COL8A1: variants seen among roughly 807,000 people sequenced by gnomAD.
The protein encoded by COL8A1 is collagen alpha-1(VIII) chain.
COL8A1 carries 21 observed loss-of-function variants against 42.7 expected under a neutral mutation model. That is an observed-to-expected ratio of 0.49 (90% CI 0.35 to 0.71). COL8A1 has a LOEUF of 0.71. Ranked by LOEUF, COL8A1 falls within the 30% of genes least tolerant of loss-of-function variation. The pLI, the probability that COL8A1 is intolerant of heterozygous loss-of-function variation, is 0.01. For missense variants in COL8A1, 788 were observed against 962.4 expected, an observed-to-expected ratio of 0.82 and a Z score of 2.40; for synonymous variants, 367 against 369.1, an observed-to-expected ratio of 0.99 and a Z score of 0.06.
chr3:99,711,253 A>G (rs535765020), intron 1 of COL8A1, among the ~76,000 whole-genome samples: 4 of 152,272 alleles, frequency 2.6e-5, no homozygotes, highest in African/African-American at 9.6e-5. Context: ...AAGAAACAAC[A>G]AACAAGAGAA....
intron 2 of COL8A1, among the ~76,000 whole-genome samples, chr3:99,757,451 C>T (rs792835): frequency 0.51 from 77,778 of 151,874 alleles, 20,156 homozygotes; most frequent in East Asian, 0.67. Context: ...ATACTCTTTG[C>T]TGGGGAGCAC....
At chr3:99,762,679 C>T (rs149646075) in intron 2 of COL8A1, among the ~76,000 whole-genome samples, 7 of 152,300 alleles carry the variant, frequency 4.6e-5, no homozygotes, top group African/African-American at 1.7e-4. Flanking sequence ...GCTTGCACCC[C>T]AGTGATACAG....
chr3:99,675,199 G>T (rs1326234245), intron 1 of COL8A1, among the ~76,000 whole-genome samples: 9 of 151,914 alleles, frequency 5.9e-5, no homozygotes. Flanking sequence ...GTCTTGGTGG[G>T]TATGACACAG....
chr3:99,677,423 TG>T (rs1938733246), intron 1 of COL8A1, among the ~76,000 whole-genome samples: 2 of 152,148 alleles, frequency 1.3e-5, no homozygotes, highest in African/African-American at 4.8e-5. Context: ...ATAACAGGAA[TG>T]GCCTTCAGGA....
chr3:99,716,625 T>C (rs982708376), intron 1 of COL8A1, among the ~76,000 whole-genome samples: 1 of 152,002 alleles, frequency 6.6e-6, no homozygotes, highest in African/African-American at 2.4e-5. Flanking sequence ...TCCTTCCTGT[T>C]ACATCGGATG....
At chr3:99,641,008 C>G (rs1937497081) in intron 1 of COL8A1, among the ~76,000 whole-genome samples, 1 of 152,138 alleles carries the variant, frequency 6.6e-6, no homozygotes. Context: ...GGGAGCTCTA[C>G]TGATTTTGAG....
Position 99,798,658 on chromosome 3 carries a change from G to A in COL8A1, c.*2522G>A, listed in dbSNP as rs755505674. 1.4e-4 allele frequency: 22 copies of A among 152,254 alleles called. 1 individual carries two copies. Among genetic ancestry groups the A allele is most frequent in the Non-Finnish European group, 2.8e-4 (19 of 68,030 alleles). The allele number at this position is 152,254 out of a possible 1,614,324, so 9.4% of individuals were successfully genotyped here. A position where few individuals can be genotyped will look rare whatever the true frequency, so the allele number is the denominator to read the frequency against. ...TGTGTGCGCGTGAGCGCACGTGTGT[G>A]TATGCGTGCGCATGTGTGTGTATGT... is the stretch of plus-strand genomic sequence containing the variant. On this transcript the variant is annotated 3_prime_UTR_variant, in exon 4 of 4. Coordinates refer to ENST00000652472, the MANE Select transcript of COL8A1 (RefSeq NM_020351.4).
chr3:99,686,861 T>TGG (rs200783625), intron 1 of COL8A1, among the ~76,000 whole-genome samples: 4 of 151,510 alleles, frequency 2.6e-5, no homozygotes, highest in African/African-American at 9.7e-5. Flanking sequence ...TGTTTGTTTT[T>TGG]GGGGGGGGTT....
At chr3:99,722,276 C>T (rs542033624) in intron 1 of COL8A1, among the ~76,000 whole-genome samples, 2 of 152,226 alleles carry the variant, frequency 1.3e-5, no homozygotes, top group East Asian at 3.9e-4. Context: ...ATTACAGACT[C>T]CTTTCCAGTG....
chr3:99,657,609 C>T (rs1336353185), intron 1 of COL8A1, among the ~76,000 whole-genome samples: 1 of 152,154 alleles, frequency 6.6e-6, no homozygotes. Flanking sequence ...ATGAAACACC[C>T]TCAACTTAAC....
chr3:99,792,149 T>C (rs1191403808), intron 3 of COL8A1, among the ~76,000 whole-genome samples: 1 of 152,212 alleles, frequency 6.6e-6, no homozygotes, highest in Non-Finnish European at 1.5e-5. Flanking sequence ...ATCATATCTA[T>C]TCATGTAAAG....
intron 1 of COL8A1, among the ~76,000 whole-genome samples, chr3:99,714,633 C>A (rs1203145729): frequency 6.6e-6 from 1 of 152,078 alleles, no homozygotes; most frequent in African/African-American, 2.4e-5. Context: ...TCCATTTATC[C>A]ATCATTCATT....
chr3:99,776,672 C>G (rs1440052458), intron 2 of COL8A1, among the ~76,000 whole-genome samples: 1 of 152,136 alleles, frequency 6.6e-6, no homozygotes, highest in African/African-American at 2.4e-5. Context: ...AAAGTGAAAG[C>G]AAGTTTATTA....
At chr3:99,791,266 C>T (rs1431299357) in intron 3 of COL8A1, among the ~76,000 whole-genome samples, 1 of 152,184 alleles carries the variant, frequency 6.6e-6, no homozygotes, top group Admixed American at 6.5e-5. Flanking sequence ...CACAAATAGT[C>T]TATCCCCTTA....
intron 1 of COL8A1, among the ~76,000 whole-genome samples, chr3:99,741,639 A>C (rs888561442): frequency 5.9e-5 from 9 of 152,206 alleles, no homozygotes; most frequent in Non-Finnish European, 1.3e-4. Context: ...AGGAAGGCTG[A>C]GATTTGCTGG....
At chr3:99,688,796 G>C (rs894537745) in intron 1 of COL8A1, among the ~76,000 whole-genome samples, 4 of 152,102 alleles carry the variant, frequency 2.6e-5, no homozygotes, top group African/African-American at 9.7e-5. Flanking sequence ...AATTCTTCCT[G>C]CCTAAGTCAG....
At chr3:99,694,656 A>T (rs1939317850) in intron 1 of COL8A1, among the ~76,000 whole-genome samples, 1 of 152,196 alleles carries the variant, frequency 6.6e-6, no homozygotes. Context: ...CTAAATTATC[A>T]ATTATCTTCC....
At chr3:99,745,283 TAG>T (rs1398995913) in intron 2 of COL8A1, among the ~76,000 whole-genome samples, 2 of 152,212 alleles carry the variant, frequency 1.3e-5, no homozygotes, top group Admixed American at 6.5e-5. Context: ...GCATGTTGAA[TAG>T]AGTCTTAAAA....
chr3:99,713,900 G>A (rs1428513673), intron 1 of COL8A1, among the ~76,000 whole-genome samples: 1 of 152,138 alleles, frequency 6.6e-6, no homozygotes, highest in Admixed American at 6.6e-5. Flanking sequence ...TATAGAAGAA[G>A]CTGTTTTACT....
Sources: allele counts gnomAD v4.1 joint callset (sites outside exome capture counted in the v4.1 genomes callset), GRCh38; gene constraint gnomAD v4.1.1; transcripts MANE v1.5; gene names NCBI Gene and HGNC (gene_info 2026-07-23, HGNC 2026-07-21).